The following EIF3B variants were observed in gnomAD, a reference collection of about 807,000 sequenced individuals.
EIF3B encodes the protein eukaryotic translation initiation factor 3 subunit B, also known as eukaryotic translation initiation factor 3 subunit 9.
In EIF3B, 10 loss-of-function variants were observed where a neutral mutation model predicts 104.6. That is an observed-to-expected ratio of 0.10 (90% CI 0.06 to 0.16). The LOEUF is 0.16. Ranked by LOEUF, EIF3B falls within the 10% of genes least tolerant of loss-of-function variation. EIF3B has a pLI of 1.00. For synonymous variants in EIF3B, 542 were observed against 417.2 expected, an observed-to-expected ratio of 1.30 and a Z score of -3.65; for missense variants, 1,014 against 1,087.9, an observed-to-expected ratio of 0.93 and a Z score of 0.96.
At chr7:2,375,575 T>C in intron 14 of EIF3B, 48 bp downstream of exon 14, 1 of 1,611,248 alleles carries the variant, frequency 6.2e-7, no homozygotes, top group Non-Finnish European at 8.5e-7. Flanking sequence ...AAGCAGGGAG[T>C]GCTGGCTAGC....
intron 6 of EIF3B, among the ~76,000 whole-genome samples, chr7:2,366,084 G>T (rs954504907): frequency 1.4e-4 from 22 of 152,266 alleles, no homozygotes; most frequent in African/African-American, 5.1e-4. Context: ...TGTGGGATCG[G>T]TGAGATCTTC....
Position 2,375,430 on chromosome 7 carries a change from C to A in EIF3B, c.1931C>A (p.Thr644Lys), listed in dbSNP as rs181409131. The A allele has an allele frequency of 2.5e-6, 4 of 1,614,198 alleles. No homozygotes were observed. The highest frequency in any genetic ancestry group is 1.7e-6 in the Non-Finnish European group (2 of 1,180,036). Residue 644 changes from threonine to lysine, a missense_variant, in exon 14 of 19, where the codon ACG becomes AAG. By Grantham distance (78) the Thr-to-Lys change is moderately conservative. Around this residue, in one of 4 missense-constraint regions of EIF3B, gnomAD observed 266 missense variants for 324.0 expected, o/e 0.82. Transcript: ENST00000360876. ...ALAFVDTSDC[T>K]VMNIAEHYMA... Reference sequence around the variant, plus strand: ...GCGTTTGTGGACACTTCGGACTGCACGGTCATGAACATCGCAGAGCACTAC... The same window carrying A: ...GCGTTTGTGGACACTTCGGACTGCAAGGTCATGAACATCGCAGAGCACTAC...
Position 2,366,566 on chromosome 7 carries a change from A to G in EIF3B, c.1331A>G (p.Asp444Gly). The change falls in exon 8 of 19, where the codon GAT becomes GGT. Residue 444 changes from aspartate to glycine, a missense_variant. By Grantham distance (94) the Asp-to-Gly change is moderately conservative (BLOSUM62 -1). Transcript: ENST00000360876. ...AAATTCTTTGCCAGAATGACCCTGG[A>G]TACGCTTAGCATCTATGAAACTCCT... ...DGKFFARMTLDTLSIYETPSM... is the reference protein window; with the variant it reads ...DGKFFARMTLGTLSIYETPSM... 1 of 1,614,172 alleles carries G rather than the reference A, an allele frequency of 6.2e-7. No individual in the cohort carries two copies. Among genetic ancestry groups the G allele is most frequent in the Non-Finnish European group, 8.5e-7 (1 of 1,180,040 alleles).
intron 5 of EIF3B, 30 bp downstream of exon 5, chr7:2,363,790 A>G (rs776220011): frequency 1.2e-6 from 2 of 1,606,080 alleles, no homozygotes; most frequent in Non-Finnish European, 1.7e-6. Flanking sequence ...GGGGGCGGGG[A>G]CTCACCTCTC....
rs770621899 is a variant in EIF3B, at chr7:2,360,828, C to T, written c.618C>T (p.Val206=). 4.3e-6 allele frequency: 7 copies of T among 1,613,790 alleles called. No individual in the cohort carries two copies. The Admixed American group carries it at 1.0e-4, about 23-fold the overall frequency. Residue 206 remains valine (V), a synonymous_variant, in exon 2 of 19, where the codon GTC becomes GTT. Coordinates refer to ENST00000360876, the MANE Select transcript of EIF3B (RefSeq NM_001037283.2). Reference sequence around the variant, plus strand: ...ACCGACTTGAGAAACTCAAAAATGTCATCCACAAGATCTTTTCCAAGTTTG... The same window carrying T: ...ACCGACTTGAGAAACTCAAAAATGTTATCCACAAGATCTTTTCCAAGTTTG... ...GPDRLEKLKN[V]IHKIFSKFGK... is the part of the protein sequence containing the mutation.
chr7:2,363,226 G>C lies in EIF3B; in HGVS notation c.870+99G>C. 3 of 1,248,144 alleles carry C rather than the reference G, an allele frequency of 2.4e-6. No homozygotes were observed. In the South Asian group the frequency reaches 3.6e-5, roughly 15 times the overall value. The allele number at this position is 1,248,144 out of a possible 1,614,324, so 77.3% of individuals were successfully genotyped here. A position where few individuals can be genotyped will look rare whatever the true frequency, so the allele number is the denominator to read the frequency against. ...CCAGCACTTAGGGAGGCTGAGGTGG[G>C]AGGATCGCTTAAGCCCAGGAATTCA... On this transcript the variant is annotated intron_variant, in intron 4 of 18. Transcript: ENST00000360876.
At chr7:2,377,146 T>C in intron 15 of EIF3B, 71 bp downstream of exon 15, 1 of 1,527,360 alleles carries the variant, frequency 6.5e-7, no homozygotes, top group Non-Finnish European at 8.8e-7. Context: ...TGTCAGTTTT[T>C]TCTGTTATTG....
chr7:2,366,923 T>C, intron 8 of EIF3B, 76 bp from the exon 9 acceptor site: 4 of 1,484,050 alleles, frequency 2.7e-6, no homozygotes, highest in Non-Finnish European at 3.7e-6. Flanking sequence ...CTTGTTTCCT[T>C]TTGTAAAAAG....
upstream of EIF3B, chr7:2,354,796 G>A (rs1287334405): frequency 1.0e-6 from 1 of 957,360 alleles, no homozygotes. Flanking sequence ...CCCGCCCCGC[G>A]GCCTTGGTGC....
At chr7:2,372,451 G>A (rs762388724) in intron 11 of EIF3B, among the ~76,000 whole-genome samples, 1 of 152,168 alleles carries the variant, frequency 6.6e-6, no homozygotes, top group Non-Finnish European at 1.5e-5. Context: ...TCTCAGGAAG[G>A]GAGCAGTTTC....
At position 2,355,028 on chromosome 7, in the gene EIF3B, G is replaced by T; in HGVS notation, c.107G>T (p.Arg36Leu). Residue 36 changes from arginine to leucine, a missense_variant, in exon 1 of 19, where the codon CGG becomes CTG. Transcript: ENST00000360876. The stretch of plus-strand genomic sequence containing the variant: ...CCGCCGCCAGCCGAGGGGCTGCTGC[G>T]GCCCGCGGGGCCCGGCGCTCCGGAG... ...AEPPPAEGLL[R>L]PAGPGAPEAA... is the part of the protein sequence containing the mutation. 8.4e-7 allele frequency: 1 copy of T among 1,191,470 alleles called. No individual in the cohort carries two copies. The allele number at this position is 1,191,470 out of a possible 1,614,324, so 73.8% of individuals were successfully genotyped here.
chr7:2,366,465 A>C lies in EIF3B; in HGVS notation c.1289+17A>C. On this transcript the variant is annotated intron_variant, in intron 7 of 18. Transcript: ENST00000360876. ...TATTTTTAAGTAAGTGGACCATTGT[A>C]ACGAGCTCTGTAGCCTTTGTCTTTT... is the stretch of plus-strand genomic sequence containing the variant. 6.2e-7 allele frequency: 1 copy of C among 1,614,054 alleles called. No individual in the cohort carries two copies. The highest frequency in any genetic ancestry group is 8.5e-7 in the Non-Finnish European group (1 of 1,179,988).
chr7:2,374,362 A>G, intron 12 of EIF3B, 166 bp from the exon 13 acceptor site: 1 of 599,806 alleles, frequency 1.7e-6, no homozygotes, highest in East Asian at 2.6e-5. Flanking sequence ...ATCATGACTT[A>G]GGGGGTACTT....
chr7:2,354,690 G>A (rs1011131523), upstream of EIF3B, among the ~76,000 whole-genome samples: 1 of 152,138 alleles, frequency 6.6e-6, no homozygotes. Flanking sequence ...GCACTTTCTT[G>A]TCACAAATAT....
At chr7:2,370,642 A>C (rs1002801034) in intron 10 of EIF3B, among the ~76,000 whole-genome samples, 1 of 152,128 alleles carries the variant, frequency 6.6e-6, no homozygotes, top group African/African-American at 2.4e-5. Flanking sequence ...TTATGCAGCC[A>C]CCACCACTCA....
In EIF3B at chr7:2,363,680, A is replaced by G. The variant is rs1182527003; in HGVS notation, c.919A>G (p.Ser307Gly). 3 of 1,614,000 alleles carry G rather than the reference A, an allele frequency of 1.9e-6. No homozygotes were observed. The highest frequency in any genetic ancestry group is 1.7e-6 in the Non-Finnish European group (2 of 1,179,988). Residue 307 changes from serine (S) to glycine (G), a missense_variant, in exon 5 of 19, where the codon AGT becomes GGT. By Grantham distance (56) the Ser-to-Gly change is moderately conservative. Coordinates refer to ENST00000360876, the MANE Select transcript of EIF3B (RefSeq NM_001037283.2). ...AGAGGCAGAATGCAGAGATCAGTAC[A>G]GTGTGATTTTTGAGAGTGGAGACCG... ...LEEAECRDQY[S>G]VIFESGDRTS...
intron 6 of EIF3B, among the ~76,000 whole-genome samples, chr7:2,365,654 TGTTTGTTTGTTTGTTTGTTTG>T (rs1452491365): frequency 1.5e-4 from 14 of 92,868 alleles, no homozygotes; most frequent in African/African-American, 8.2e-4. Context: ...CTTGTTTTTT[TGTTTGTTTGTTTGTTTGTTTG>T]TTTTGTTTTT....
rs747838544 is a variant in EIF3B at position 2,369,669 on chromosome 7, C to A, written c.1601C>A (p.Pro534Gln). Reference sequence around the variant, plus strand: ...TTGTGTGTGAAAGTAGATAGGACTCCGAAAGGCACCCAGGTATGTAGATTC... The same window carrying A: ...TTGTGTGTGAAAGTAGATAGGACTCAGAAAGGCACCCAGGTATGTAGATTC... ...DYLCVKVDRT[P>Q]KGTQGVVTNF... Residue 534 changes from proline to glutamine, a missense_variant, in exon 10 of 19, where the codon CCG (proline) becomes CAG (glutamine). Physicochemically the swap from Pro to Gln is moderately conservative, Grantham distance 76 (BLOSUM62 -1). Around this residue, in one of 4 missense-constraint regions of EIF3B, gnomAD observed 59 missense variants for 118.8 expected, o/e 0.50. Transcript: ENST00000360876. 1 of 1,613,546 alleles carries A rather than the reference C, an allele frequency of 6.2e-7. No homozygotes were observed. The highest frequency in any genetic ancestry group is 1.1e-5 in the South Asian group (1 of 91,066).
chr7:2,363,882 C>T (rs1372929763), intron 5 of EIF3B, 122 bp downstream of exon 5: 3 of 1,207,878 alleles, frequency 2.5e-6, no homozygotes, highest in Non-Finnish European at 3.4e-6. Context: ...TTTGAGATTA[C>T]TTTCTGAAAA....
Sources: gnomAD v4.1 joint callset for allele counts (sites outside exome capture counted in the v4.1 genomes callset) on GRCh38, gnomAD v4.1.1 for gene constraint, gnomAD v4.1.1 regional missense constraint, MANE v1.5 for transcripts, NCBI Gene and HGNC (gene_info 2026-07-23, HGNC 2026-07-21) for gene names.